The following ROBO2 variants were observed in gnomAD, a reference collection of about 807,000 sequenced individuals.
ROBO2 encodes the protein roundabout homolog 2.
Under a neutral mutation model 160.8 loss-of-function variants are expected in ROBO2, and 53 were observed. The observed-to-expected ratio is 0.33, with a 90% CI of 0.26 to 0.41. The LOEUF is 0.41. Among genes scored for constraint, ROBO2 ranks in the 10% least tolerant of loss-of-function variants. The pLI, the probability that ROBO2 is intolerant of heterozygous loss-of-function variation, is 1.00. For missense variants in ROBO2, 1,577 were observed against 1,722.4 expected, an observed-to-expected ratio of 0.92 and a Z score of 1.49; for synonymous variants, 664 against 611.7, an observed-to-expected ratio of 1.09 and a Z score of -1.26.
chr3:77,378,508 A>C (rs1218601954), intron 2 of ROBO2, among the ~76,000 whole-genome samples: 1 of 152,218 alleles, frequency 6.6e-6, no homozygotes, highest in African/African-American at 2.4e-5. Context: ...GGCTAAATTT[A>C]TGCGACTTCT....
At chr3:77,408,033 C>A (rs142170630) in intron 2 of ROBO2, among the ~76,000 whole-genome samples, 74 of 151,526 alleles carry the variant, frequency 4.9e-4, no homozygotes, top group African/African-American at 1.6e-3. Context: ...ATACAGATTT[C>A]TCAATATATT....
At chr3:77,214,345 G>C (rs1394301668) in intron 2 of ROBO2, among the ~76,000 whole-genome samples, 6 of 152,014 alleles carry the variant, frequency 3.9e-5, no homozygotes, top group Non-Finnish European at 7.4e-5. Context: ...GGCCTTCTTT[G>C]TCTCTTTTGA....
At chr3:76,776,239 G>A (rs1382410770) in intron 2 of ROBO2, among the ~76,000 whole-genome samples, 3 of 150,830 alleles carry the variant, frequency 2.0e-5, no homozygotes, top group African/African-American at 2.4e-5. Flanking sequence ...ACTTTTCATC[G>A]TTAAAGCCAT....
intron 1 of ROBO2, among the ~76,000 whole-genome samples, chr3:77,058,062 T>C (rs1396958085): frequency 1.3e-5 from 2 of 152,178 alleles, no homozygotes; most frequent in Non-Finnish European, 2.9e-5. Context: ...GTGTTGTTTT[T>C]TTCATTAAAA....
In ROBO2 at chr3:76,129,874, A is replaced by G. The variant is rs186880899; in HGVS notation, c.109+192272A>G. 1.1e-4 allele frequency among the ~76,000 whole-genome samples: 17 copies of G among 152,172 alleles called. No individual in the cohort carries two copies. In the East Asian group the frequency reaches 2.9e-3, roughly 26 times the overall value. ...CAGGATATTTTCATATCTTATGCCTATAACTCTAGATCATTTTGATATATT... is the reference window on the plus strand; with the variant it reads ...CAGGATATTTTCATATCTTATGCCTGTAACTCTAGATCATTTTGATATATT... On this transcript the variant is annotated intron_variant, in intron 2 of 26. Coordinates refer to the ROBO2 transcript ENST00000487694.
intron 2 of ROBO2, among the ~76,000 whole-genome samples, chr3:77,372,687 C>T (rs538110616): frequency 2.0e-5 from 3 of 152,038 alleles, no homozygotes; most frequent in African/African-American, 7.2e-5. Context: ...ACAATTCTTT[C>T]TCGGTACAGG....
intron 2 of ROBO2, among the ~76,000 whole-genome samples, chr3:77,198,798 GA>G (rs1560214461): frequency 6.6e-6 from 1 of 152,070 alleles, no homozygotes; most frequent in Non-Finnish European, 1.5e-5. Context: ...AGCTACTCGG[GA>G]GGCTGAGGCA....
At chr3:76,663,524 T>C (rs1364967568) in intron 2 of ROBO2, among the ~76,000 whole-genome samples, 5 of 152,194 alleles carry the variant, frequency 3.3e-5, no homozygotes, top group African/African-American at 1.2e-4. Flanking sequence ...TCTGTTGTGC[T>C]CCTGCCTTTA....
chr3:76,213,767 A>C lies in ROBO2; in HGVS notation c.109+276165A>C, dbSNP rs138007581. Among the ~76,000 whole-genome samples the C allele has an allele frequency of 6.6e-5, 10 of 152,272 alleles. No homozygotes were observed. The East Asian group carries it at 1.9e-3, about 29-fold the overall frequency. On this transcript the variant is annotated intron_variant, in intron 2 of 26. Transcript: ENST00000487694. The stretch of plus-strand genomic sequence containing the variant: ...TTTGAATGTCAAGTTCTTATTAGAC[A>C]TATTTTATCGTTATTAATTTGACAT...
chr3:76,831,037 A>G (rs893196875), intron 2 of ROBO2, among the ~76,000 whole-genome samples: 2 of 152,144 alleles, frequency 1.3e-5, no homozygotes, highest in Non-Finnish European at 2.9e-5. Flanking sequence ...TTGACACATT[A>G]CAATTAGAAT....
chr3:75,937,841 T>TTATATA (rs1158457510), intron 2 of ROBO2, among the ~76,000 whole-genome samples: 3,809 of 105,274 alleles, frequency 0.036, 102 homozygotes, highest in Middle Eastern at 0.067. Context: ...GGAATTGATT[T>TTATATA]TATATATATA....
intron 5 of ROBO2, among the ~76,000 whole-genome samples, chr3:77,497,885 A>T (rs1164191200): frequency 6.6e-6 from 1 of 152,166 alleles, no homozygotes; most frequent in African/African-American, 2.4e-5. Flanking sequence ...CACAAGTAAC[A>T]TGCCATAAAG....
At chr3:75,987,223 G>T (rs1335189424) in intron 2 of ROBO2, among the ~76,000 whole-genome samples, 1 of 151,790 alleles carries the variant, frequency 6.6e-6, no homozygotes, top group Non-Finnish European at 1.5e-5. Context: ...GTTTATTAAT[G>T]TCTTCCATAG....
intron 2 of ROBO2, among the ~76,000 whole-genome samples, chr3:77,028,613 G>C (rs1286504026): frequency 6.6e-6 from 1 of 152,056 alleles, no homozygotes. Flanking sequence ...CCAGCTTCTC[G>C]GGAGGCTGGG....
intron 2 of ROBO2, among the ~76,000 whole-genome samples, chr3:76,651,326 A>G (rs551707997): frequency 3.9e-5 from 6 of 152,130 alleles, no homozygotes; most frequent in East Asian, 3.9e-4. Flanking sequence ...CCTTCCAACC[A>G]TTGTTGTCCC....
chr3:76,611,154 G>C (rs145496455), intron 2 of ROBO2, among the ~76,000 whole-genome samples: 1 of 152,198 alleles, frequency 6.6e-6, no homozygotes, highest in Non-Finnish European at 1.5e-5. Context: ...GGTAGGACGG[G>C]GTTAGAAGTT....
chr3:75,953,401 C>A (rs192112456), intron 2 of ROBO2, among the ~76,000 whole-genome samples: 1 of 151,732 alleles, frequency 6.6e-6, no homozygotes, highest in Non-Finnish European at 1.5e-5. Flanking sequence ...TGTATTTAGA[C>A]CTTTGGCCTA....
At chr3:76,986,537 G>A (rs1228110983) in intron 2 of ROBO2, among the ~76,000 whole-genome samples, 1 of 151,936 alleles carries the variant, frequency 6.6e-6, no homozygotes, top group East Asian at 1.9e-4. Context: ...ACTTTCAGGG[G>A]GGAAAGTTAT....
intron 2 of ROBO2, among the ~76,000 whole-genome samples, chr3:77,265,060 G>A (rs983189397): frequency 6.6e-6 from 1 of 152,026 alleles, no homozygotes; most frequent in African/African-American, 2.4e-5. Flanking sequence ...ATTGGAATAT[G>A]GTATCATTAA....
Sources: allele counts gnomAD v4.1 joint callset (sites outside exome capture counted in the v4.1 genomes callset), GRCh38; gene constraint gnomAD v4.1.1; transcripts MANE v1.5; gene names NCBI Gene and HGNC (gene_info 2026-07-23, HGNC 2026-07-21).